Variants in NF2 observed in about 807,000 individuals in gnomAD.
NF2 encodes merlin.
In NF2, 8 loss-of-function variants were observed where a neutral mutation model predicts 83.7. The observed-to-expected ratio is 0.10, with a 90% CI of 0.06 to 0.17. The LOEUF (loss-of-function observed/expected upper bound fraction) is 0.17. Ranked by LOEUF, NF2 falls within the 10% of genes least tolerant of loss-of-function variation. The pLI is 1.00. For synonymous variants in NF2, 266 were observed against 269.6 expected (o/e 0.99, Z 0.13); for missense variants, 533 against 744.4 (o/e 0.72, Z 3.31).
At chr22:29,654,593 T>C (rs2146965619) in intron 4 of NF2, 64 bp from the exon 5 acceptor site, 2 of 1,388,458 alleles carry the variant, frequency 1.4e-6, no homozygotes, top group South Asian at 1.2e-5. Flanking sequence ...TTGGTCCAGC[T>C]CTGTTCAGAA....
At chr22:29,644,951 T>C (rs1417900002) in intron 4 of NF2, among the ~76,000 whole-genome samples, 1 of 151,724 alleles carries the variant, frequency 6.6e-6, no homozygotes, top group African/African-American at 2.4e-5. Context: ...AGGGAGACCA[T>C]GGGGAGAGGG....
At chr22:29,651,519 A>G (rs1396583165) in intron 4 of NF2, among the ~76,000 whole-genome samples, 1 of 152,222 alleles carries the variant, frequency 6.6e-6, no homozygotes, top group African/African-American at 2.4e-5. Flanking sequence ...TCTGTTACAT[A>G]AAACGATGAG....
At chr22:29,649,448 C>T (rs1484891013) in intron 4 of NF2, among the ~76,000 whole-genome samples, 2 of 152,198 alleles carry the variant, frequency 1.3e-5, no homozygotes, top group Non-Finnish European at 2.9e-5. Flanking sequence ...CGCCTGTAAT[C>T]CCAACTCTCA....
chr22:29,681,527 G>C lies in NF2; in HGVS notation c.1663G>C (p.Glu555Gln). 1 of 1,614,174 alleles carries C rather than the reference G, an allele frequency of 6.2e-7. No individual in the cohort carries two copies. Among genetic ancestry groups the C allele is most frequent in the Non-Finnish European group, 8.5e-7 (1 of 1,180,034 alleles). The stretch of plus-strand genomic sequence containing the variant: ...CGAGGCCTTGAAACTGAAAGAGAGG[G>C]AGACAGCTCTGGATATTCTGCACAA... Reference protein sequence around the residue: ...EIEALKLKERETALDILHNEN... With the variant: ...EIEALKLKERQTALDILHNEN... Residue 555 changes from glutamate (E) to glutamine (Q), a missense_variant, in exon 15 of 16, where the codon GAG becomes CAG. Around this residue, in one of 3 missense-constraint regions of NF2, gnomAD observed 199 missense variants for 240.7 expected, o/e 0.83. Coordinates refer to ENST00000338641, the MANE Select transcript of NF2 (RefSeq NM_000268.4).
intron 6 of NF2, among the ~76,000 whole-genome samples, 153 bp downstream of exon 6, chr22:29,655,829 C>T (rs1461621786): frequency 6.6e-6 from 1 of 150,644 alleles, no homozygotes. Context: ...CTGGGAGTAA[C>T]GTTGGTCTTC....
chr22:29,673,938 T>C (rs1569306666), intron 12 of NF2, among the ~76,000 whole-genome samples: 1 of 152,186 alleles, frequency 6.6e-6, no homozygotes, highest in Non-Finnish European at 1.5e-5. Flanking sequence ...CCCCAGCCTT[T>C]CTTGGCACAT....
intron 4 of NF2, among the ~76,000 whole-genome samples, chr22:29,651,955 A>G (rs1467135024): frequency 6.6e-6 from 1 of 152,180 alleles, no homozygotes; most frequent in Non-Finnish European, 1.5e-5. Context: ...GCAAACAATG[A>G]TCAATGTTGT....
intron 4 of NF2, among the ~76,000 whole-genome samples, chr22:29,644,766 C>G (rs1386053260): frequency 6.6e-6 from 1 of 152,212 alleles, no homozygotes; most frequent in African/African-American, 2.4e-5. Context: ...CAAAAAAATA[C>G]GAAAACCCGT....
In NF2 at chr22:29,697,702, G is replaced by A. The variant is rs982881117; in HGVS notation, c.*2900G>A. On this transcript the variant is annotated 3_prime_UTR_variant, in exon 16 of 16. Transcript: ENST00000338641. ...CTGCCTCAGCCTCCCGAGTAGCTGG[G>A]ATTACAGGCACGCACCTCCACGTCC... The A allele has an allele frequency of 1.7e-5, 3 of 174,254 alleles. No homozygotes were observed. In the Admixed American group the frequency reaches 1.9e-4, roughly 11 times the overall value. The allele number at this position is 174,254 out of a possible 1,614,324, so 10.8% of individuals were successfully genotyped here.
At chr22:29,663,132 G>A (rs1030768464) in intron 8 of NF2, among the ~76,000 whole-genome samples, 1 of 152,134 alleles carries the variant, frequency 6.6e-6, no homozygotes, top group Non-Finnish European at 1.5e-5. Context: ...AAGCAGTTAG[G>A]TATTTCTTTT....
intron 9 of NF2, among the ~76,000 whole-genome samples, chr22:29,666,814 T>C (rs2066636986): frequency 6.6e-6 from 1 of 151,956 alleles, no homozygotes; most frequent in Non-Finnish European, 1.5e-5. Context: ...CTGTCTCTAC[T>C]AAAAATACAA....
intron 4 of NF2, among the ~76,000 whole-genome samples, chr22:29,647,305 C>T (rs750709601): frequency 8.5e-5 from 13 of 152,060 alleles, no homozygotes; most frequent in South Asian, 4.1e-4. Context: ...AAATCAGGGA[C>T]AGAGTGCCAA....
chr22:29,667,041 G>C (rs977966698), intron 9 of NF2, among the ~76,000 whole-genome samples: 14 of 152,074 alleles, frequency 9.2e-5, no homozygotes, highest in African/African-American at 3.1e-4. Flanking sequence ...CACAGGAGTA[G>C]AAGTACAGGG....
intron 13 of NF2, among the ~76,000 whole-genome samples, chr22:29,677,298 CGTGGT>C (rs1469753525): frequency 6.6e-6 from 1 of 151,818 alleles, no homozygotes; most frequent in Non-Finnish European, 1.5e-5. Flanking sequence ...GGTGAGAGAT[CGTGGT>C]GTTTGAGAAG....
intron 1 of NF2, among the ~76,000 whole-genome samples, chr22:29,606,664 A>T (rs1405837460): frequency 6.6e-6 from 1 of 152,188 alleles, no homozygotes; most frequent in Non-Finnish European, 1.5e-5. Flanking sequence ...TTTAATGGAG[A>T]TGCAGCCTAG....
In NF2 at chr22:29,654,662, T is replaced by G. The variant is rs2146966325; in HGVS notation, c.453T>G (p.Gly151=). The change falls in exon 5 of 16, where the codon GGT becomes GGG. Residue 151 remains glycine, a synonymous_variant. Coordinates refer to ENST00000338641, the MANE Select transcript of NF2 (RefSeq NM_000268.4). ...TCTCCCTTTCTTCTTTCCAGTATGG[T>G]GACTACGACCCCAGTGTTCACAAGC... ...LASYAVQAKY[G]DYDPSVHKRG... is the part of the protein sequence containing the mutation. The G allele has an allele frequency of 6.2e-7, 1 of 1,613,784 alleles. No homozygotes were observed. Among genetic ancestry groups the G allele is most frequent in the African/African-American group, 1.3e-5 (1 of 75,002 alleles).
chr22:29,608,172 CA>C (rs570144418), intron 1 of NF2, among the ~76,000 whole-genome samples: 8,148 of 30,956 alleles, frequency 0.26, 48 homozygotes, highest in African/African-American at 0.27. Flanking sequence ...GACTCTGTCT[CA>C]AAAAAAAAAA....
intron 1 of NF2, among the ~76,000 whole-genome samples, chr22:29,627,286 T>C (rs914146286): frequency 1.3e-5 from 2 of 152,168 alleles, no homozygotes; most frequent in African/African-American, 2.4e-5. Context: ...AGAGGTTAAG[T>C]GACTTACCCA....
intron 8 of NF2, 110 bp downstream of exon 8, chr22:29,661,449 A>G (rs764999708): frequency 3.4e-6 from 5 of 1,489,262 alleles, no homozygotes; most frequent in Non-Finnish European, 4.6e-6. Context: ...GAGTCCTTTA[A>G]TTCCCAGGCT....
Sources: allele counts gnomAD v4.1 joint callset (sites outside exome capture counted in the v4.1 genomes callset), GRCh38; gene constraint gnomAD v4.1.1; regional missense constraint gnomAD v4.1.1; transcripts MANE v1.5; gene names NCBI Gene and HGNC (gene_info 2026-07-23, HGNC 2026-07-21).